COL9A3: variants seen among roughly 807,000 people sequenced by gnomAD.
The protein encoded by COL9A3 is collagen type IX alpha 3 chain.
COL9A3 carries 82 observed loss-of-function variants against 110.2 expected under a neutral mutation model. That is an observed-to-expected ratio of 0.74 (90% CI 0.62 to 0.89). COL9A3 has a LOEUF of 0.89. Ranked by LOEUF, COL9A3 falls within the 40% of genes least tolerant of loss-of-function variation. The pLI is 0.00. For synonymous variants in COL9A3, 494 were observed against 403.8 expected (o/e 1.22, Z -2.68); for missense variants, 1,066 against 981.3 (o/e 1.09, Z -1.15).
At chr20:62,819,784 G>C in intron 4 of COL9A3, 145 bp from the exon 5 acceptor site, 1 of 887,936 alleles carries the variant, frequency 1.1e-6, no homozygotes, top group South Asian at 1.4e-5. Context: ...ACAGTGGACA[G>C]GGCCAAGAGA....
At chr20:62,831,123 A>C (rs1187392883) in intron 24 of COL9A3, 1 of 152,266 alleles carries the variant, frequency 6.6e-6, no homozygotes, top group Non-Finnish European at 1.5e-5. Context: ...CGGTTGACAG[A>C]GGATCACGTT....
intron 24 of COL9A3, chr20:62,831,753 G>A (rs1288554966): frequency 7.1e-6 from 2 of 281,044 alleles, no homozygotes; most frequent in East Asian, 1.7e-4. Flanking sequence ...TGAGCAAATG[G>A]ACATTTTTTA....
Position 62,826,788 on chromosome 20 carries a change from C to T in COL9A3, c.760C>T (p.Pro254Ser). ...GCAGGGTCCCATTGGGTTCCGAGGG[C>T]CGCCTGGGATCCCAGGAGCGCCTGG... ...GDRGPIGFRG[P>S]PGIPGAPGKA... Residue 254 changes from proline to serine, a missense_variant, in exon 15 of 32, where the codon CCG (proline) becomes TCG (serine). Pro to Ser is a moderately conservative substitution (Grantham distance 74). Transcript: ENST00000649368. 1 of 1,612,810 alleles carries T rather than the reference C, an allele frequency of 6.2e-7. No individual in the cohort carries two copies. Among genetic ancestry groups the T allele is most frequent in the African/African-American group, 1.3e-5 (1 of 75,036 alleles).
intron 27 of COL9A3, 74 bp downstream of exon 27, chr20:62,836,027 C>G (rs1017695203): frequency 3.0e-5 from 49 of 1,607,306 alleles, no homozygotes; most frequent in Admixed American, 3.0e-4. Flanking sequence ...TCTGGGCAAC[C>G]AGGCAGCCCT....
chr20:62,831,094 G>C (rs2063593904), intron 24 of COL9A3: 1 of 152,322 alleles, frequency 6.6e-6, no homozygotes, highest in African/African-American at 2.4e-5. Context: ...CTCCCGCCTA[G>C]CGGGTGTCTG....
Position 62,828,911 on chromosome 20 carries a change from CTG to C in COL9A3, c.955-10_955-9del, listed in dbSNP as rs778716485. 6.2e-7 allele frequency: 1 copy of C among 1,612,494 alleles called. No individual in the cohort carries two copies. The highest frequency in any genetic ancestry group is 8.5e-7 in the Non-Finnish European group (1 of 1,179,886). On this transcript the variant is annotated splice_polypyrimidine_tract_variant and intron_variant, in intron 18 of 31. Transcript: ENST00000649368. ...AGCCTCCCCTTCCGCACCCCAATCT[CTG>C]TCCTCACAGGGAGAGGCTGGTCGCA... is the stretch of plus-strand genomic sequence containing the variant.
In COL9A3 at chr20:62,827,775, G is replaced by A. The variant is rs111254137; in HGVS notation, c.847-148G>A. 3.0e-3 allele frequency: 2,398 copies of A among 799,792 alleles called. 31 individuals are homozygous for A. In the African/African-American group the frequency reaches 0.031, roughly 10 times the overall value. 49.5% of individuals were successfully genotyped at this position (799,792 alleles called of 1,614,324 possible). A position where few individuals can be genotyped will look rare whatever the true frequency, so the allele number is the denominator to read the frequency against. ...TGGATCCAAACACAGTTTTCTCCACGCACCCACAGGCCCCAGGGTGGTGGT... is the reference window on the plus strand; with the variant it reads ...TGGATCCAAACACAGTTTTCTCCACACACCCACAGGCCCCAGGGTGGTGGT... On this transcript the variant is annotated intron_variant, in intron 16 of 31. Transcript: ENST00000649368.
In COL9A3 at chr20:62,832,202, C is replaced by G. The variant is rs909010928; in HGVS notation, c.1323+13C>G. 2 of 1,612,408 alleles carry G rather than the reference C, an allele frequency of 1.2e-6. No individual in the cohort carries two copies. The highest frequency in any genetic ancestry group is 8.5e-7 in the Non-Finnish European group (1 of 1,179,370). ...TAAGGGAGACCAGGTGAGCTGGGCACAGGCTGGGGCAAAAGGAATGAAGGC... is the reference window on the plus strand; with the variant it reads ...TAAGGGAGACCAGGTGAGCTGGGCAGAGGCTGGGGCAAAAGGAATGAAGGC... On this transcript the variant is annotated intron_variant, in intron 25 of 31. Coordinates refer to ENST00000649368, the MANE Select transcript of COL9A3 (RefSeq NM_001853.4).
chr20:62,839,724 C>T (rs2063660949), intron 31 of COL9A3, among the ~76,000 whole-genome samples: 1 of 78,842 alleles, frequency 1.3e-5, no homozygotes, highest in Admixed American at 1.0e-4. Flanking sequence ...CCACCCACCC[C>T]ACCTCTCCCT....
At chr20:62,826,307 G>T in intron 14 of COL9A3, 50 bp downstream of exon 14, 1 of 1,502,674 alleles carries the variant, frequency 6.7e-7, no homozygotes, top group Non-Finnish European at 9.0e-7. Flanking sequence ...TGGGGGCCTG[G>T]TTGTCTGCAC....
In COL9A3 at chr20:62,817,481, G is replaced by T. The variant is rs917298527; in HGVS notation, c.79-86G>T. The T allele has an allele frequency of 1.3e-5, 13 of 1,010,876 alleles. No homozygotes were observed. In the African/African-American group the frequency reaches 1.8e-4, roughly 14 times the overall value. The allele number at this position is 1,010,876 out of a possible 1,614,324, so 62.6% of individuals were successfully genotyped here. ...GAGAGCGGCGGTCGTCGCAGGCCCCGGAGCCGCTCGGGACCCGGGAGGAGG... is the reference window on the plus strand; with the variant it reads ...GAGAGCGGCGGTCGTCGCAGGCCCCTGAGCCGCTCGGGACCCGGGAGGAGG... On this transcript the variant is annotated intron_variant, in intron 1 of 31. Transcript: ENST00000649368.
In COL9A3 at chr20:62,821,779, C is replaced by A; in HGVS notation, c.392C>A (p.Pro131His). ...CAGGGAGAGGCAGGAGTGAGCGGCC[C>A]CCCAGGTGGGATCGGCCTCCGCGGC... Reference protein sequence around the residue: ...GPPGEAGVSGPPGGIGLRGPP... With the variant: ...GPPGEAGVSGHPGGIGLRGPP... The change falls in exon 8 of 32, where the codon CCC becomes CAC. Residue 131 changes from proline to histidine, a missense_variant. By Grantham distance (77) the Pro-to-His change is moderately conservative. Transcript: ENST00000649368. 1 of 1,610,588 alleles carries A rather than the reference C, an allele frequency of 6.2e-7. No individual in the cohort carries two copies. The highest frequency in any genetic ancestry group is 8.5e-7 in the Non-Finnish European group (1 of 1,178,946).
chr20:62,835,820 A>G, intron 26 of COL9A3, 101 bp from the exon 27 acceptor site: 1 of 1,163,734 alleles, frequency 8.6e-7, no homozygotes, highest in Non-Finnish European at 1.3e-6. Flanking sequence ...GTAGTCTAAT[A>G]GCAGGTGTGT....
intron 3 of COL9A3, 96 bp from the exon 4 acceptor site, chr20:62,819,126 G>T: frequency 1.6e-6 from 2 of 1,241,586 alleles, no homozygotes; most frequent in South Asian, 1.2e-5. Flanking sequence ...GTATGGTTGG[G>T]CTGGGGGGAA....
Position 62,840,768 on chromosome 20 carries a change from G to T in COL9A3, c.*36G>T, listed in dbSNP as rs1048109. 1.3e-6 allele frequency: 2 copies of T among 1,550,040 alleles called. No individual in the cohort carries two copies. Among genetic ancestry groups the T allele is most frequent in the Non-Finnish European group, 1.7e-6 (2 of 1,145,504 alleles). On this transcript the variant is annotated 3_prime_UTR_variant, in exon 32 of 32. Transcript: ENST00000649368. ...GAGGAAGCAAGTGACAAGGACGCCC[G>T]AAGCACAGTGGACGGTCATGAAGGA... is the stretch of plus-strand genomic sequence containing the variant.
At chr20:62,819,547 C>A (rs575775900) in intron 4 of COL9A3, among the ~76,000 whole-genome samples, 2 of 152,190 alleles carry the variant, frequency 1.3e-5, no homozygotes, top group Non-Finnish European at 2.9e-5. Context: ...GAATGAGTGC[C>A]CATTGTCAGG....
chr20:62,837,022 C>T (rs991132871), intron 29 of COL9A3, 61 bp from the exon 30 acceptor site: 158 of 1,588,144 alleles, frequency 9.9e-5, no homozygotes, highest in South Asian at 2.0e-4. Flanking sequence ...TTATGCTTTA[C>T]GTAACAATAC....
At chr20:62,836,762 C>G (rs765278628) in intron 29 of COL9A3, 2 of 623,768 alleles carry the variant, frequency 3.2e-6, no homozygotes, top group Non-Finnish European at 5.6e-6. Context: ...ATTCCCAGCA[C>G]GCAGCAGACG....
intron 29 of COL9A3, 163 bp from the exon 30 acceptor site, chr20:62,836,920 A>G (rs2147229102): frequency 2.1e-6 from 2 of 963,890 alleles, no homozygotes; most frequent in South Asian, 2.6e-5. Flanking sequence ...GGTCCTTTCT[A>G]GCTCCAGCAT....
Sources: allele counts gnomAD v4.1 joint callset (sites outside exome capture counted in the v4.1 genomes callset), GRCh38; gene constraint gnomAD v4.1.1; transcripts MANE v1.5; gene names NCBI Gene and HGNC (gene_info 2026-07-23, HGNC 2026-07-21).